SANBR: variants seen among roughly 807,000 people sequenced by gnomAD.
The protein encoded by SANBR is SANT and BTB domain regulator of class switch recombination.
A neutral mutation model predicts 101.8 loss-of-function variants in SANBR; 77 were observed. The observed-to-expected ratio is 0.76, with a 90% CI of 0.63 to 0.91. The LOEUF (loss-of-function observed/expected upper bound fraction) is 0.91, where lower values mean the gene tolerates loss of function less well. Ranked by LOEUF, SANBR falls within the 40% of genes least tolerant of loss-of-function variation. The pLI is 0.00. For synonymous variants in SANBR, 279 were observed against 274.7 expected, an observed-to-expected ratio of 1.02 and a Z score of -0.15; for missense variants, 875 against 853.0, an observed-to-expected ratio of 1.03 and a Z score of -0.32.
chr2:61,085,239 T>G (rs1227202697), intron 8 of SANBR, among the ~76,000 whole-genome samples: 1 of 152,166 alleles, frequency 6.6e-6, no homozygotes. Context: ...CAATAAATCT[T>G]TGCCTCCCTA....
intron 11 of SANBR, among the ~76,000 whole-genome samples, chr2:61,095,289 CTATT>C (rs1391337577): frequency 3.3e-5 from 5 of 152,130 alleles, no homozygotes; most frequent in Non-Finnish European, 2.9e-5. Context: ...ATGATATTGA[CTATT>C]TATTATAGAG....
intron 20 of SANBR, among the ~76,000 whole-genome samples, chr2:61,131,332 AATT>A (rs1450370626): frequency 2.0e-5 from 3 of 152,206 alleles, no homozygotes; most frequent in African/African-American, 7.2e-5. Context: ...TAGGACAGAT[AATT>A]GAGTTCAGCA....
chr2:61,088,378 T>C lies in SANBR; in HGVS notation c.998T>C (p.Leu333Pro). Residue 333 changes from leucine (L) to proline (P), a missense_variant, in exon 10 of 22, where the codon CTT (leucine) becomes CCT (proline). Leu to Pro is a moderately conservative substitution (Grantham distance 98, BLOSUM62 -3). Coordinates refer to ENST00000402291, the MANE Select transcript of SANBR (RefSeq NM_001129993.3). Reference sequence around the variant, plus strand: ...TATAGATGCTGTTTGTGTAAGAAACTTTTAACAAAAGAAACAGAAAGAAGA... The same window carrying C: ...TATAGATGCTGTTTGTGTAAGAAACCTTTAACAAAAGAAACAGAAAGAAGA... ...TLYRCCLCKKLLTKETERRIP... is the reference protein window; with the variant it reads ...TLYRCCLCKKPLTKETERRIP... The C allele has an allele frequency of 6.3e-7, 1 of 1,596,284 alleles. No individual in the cohort carries two copies. Among genetic ancestry groups the C allele is most frequent in the Non-Finnish European group, 8.5e-7 (1 of 1,172,880 alleles).
intron 16 of SANBR, among the ~76,000 whole-genome samples, chr2:61,114,207 C>T (rs1025350713): frequency 5.9e-5 from 9 of 152,122 alleles, no homozygotes; most frequent in Non-Finnish European, 8.8e-5. Context: ...GAGTCTGGGC[C>T]GCTTACAGAC....
chr2:61,094,731 C>T (rs1002185531), intron 11 of SANBR, among the ~76,000 whole-genome samples: 2 of 150,074 alleles, frequency 1.3e-5, no homozygotes, highest in African/African-American at 4.9e-5. Flanking sequence ...GCAACCTCCA[C>T]CTCCCAGGTT....
At chr2:61,095,786 A>C (rs2104911536) in intron 11 of SANBR, among the ~76,000 whole-genome samples, 1 of 152,252 alleles carries the variant, frequency 6.6e-6, no homozygotes, top group Non-Finnish European at 1.5e-5. Context: ...CCGCAAAAAG[A>C]AACAAGTGAT....
intron 21 of SANBR, among the ~76,000 whole-genome samples, chr2:61,136,592 G>C (rs1470242493): frequency 6.6e-6 from 1 of 151,700 alleles, no homozygotes; most frequent in Non-Finnish European, 1.5e-5. Context: ...TGGTGCCACT[G>C]CACTCCAGCC....
chr2:61,081,591 G>T lies in SANBR; in HGVS notation c.729+81G>T. ...CCTTCAAGTATCTAGAAAATTCTGAGACTTTATTAAAATTATTGTTAATTG... is the reference window on the plus strand; with the variant it reads ...CCTTCAAGTATCTAGAAAATTCTGATACTTTATTAAAATTATTGTTAATTG... On this transcript the variant is annotated intron_variant, in intron 7 of 21. Transcript: ENST00000402291. The T allele has an allele frequency of 1.1e-5, 14 of 1,332,856 alleles. No homozygotes were observed. In the South Asian group the frequency reaches 2.0e-4, roughly 19 times the overall value. 82.6% of individuals were successfully genotyped at this position (1,332,856 alleles called of 1,614,324 possible).
intron 7 of SANBR, among the ~76,000 whole-genome samples, chr2:61,082,213 G>C (rs1160264040): frequency 6.6e-6 from 1 of 152,006 alleles, no homozygotes; most frequent in Non-Finnish European, 1.5e-5. Flanking sequence ...TAGCCCAGCT[G>C]GTATCAGGGA....
intron 10 of SANBR, chr2:61,089,089 C>T: frequency 2.0e-6 from 2 of 981,714 alleles, no homozygotes; most frequent in Non-Finnish European, 2.4e-6. Context: ...TTTTAGTTAT[C>T]TGTACAAATG....
At chr2:61,080,535 A>T (rs186698283) in intron 6 of SANBR, among the ~76,000 whole-genome samples, 47 of 152,286 alleles carry the variant, frequency 3.1e-4, no homozygotes, top group African/African-American at 1.1e-3. Flanking sequence ...ATCCTGGCCA[A>T]CATGGTGAAA....
At chr2:61,126,328 C>T (rs1173639635), downstream of SANBR, among the ~76,000 whole-genome samples, 1 of 152,196 alleles carries the variant, frequency 6.6e-6, no homozygotes. Flanking sequence ...ACTATCACCA[C>T]CCCCAGTTAT....
At position 61,071,636 on chromosome 2, in the gene SANBR, AGTGGAAGCTCG is replaced by A. The variant is rs753483471; in HGVS notation, c.182_192del (p.Ser61ThrfsTer3). ...AAAAAGGTTTGATGAATTAAAGAGC[AGTGGAAGCTCG>A]CCTGTTGACAACCAGTATAATTCCC... On this transcript the variant is annotated frameshift_variant, in exon 4 of 22. Coordinates refer to ENST00000402291, the MANE Select transcript of SANBR (RefSeq NM_001129993.3). LOFTEE classifies it high-confidence loss of function. 1 of 1,575,282 alleles carries A rather than the reference AGTGGAAGCTCG, an allele frequency of 6.3e-7. No individual in the cohort carries two copies. Among genetic ancestry groups the A allele is most frequent in the South Asian group, 1.2e-5 (1 of 83,606 alleles).
intron 12 of SANBR, among the ~76,000 whole-genome samples, chr2:61,101,911 G>T (rs1362970803): frequency 6.6e-6 from 1 of 151,770 alleles, no homozygotes; most frequent in East Asian, 1.9e-4. Flanking sequence ...GGTGGTGGGC[G>T]CCTGTAATCC....
At chr2:61,121,470 G>C in intron 21 of SANBR, 194 bp downstream of exon 21, 1 of 432,656 alleles carries the variant, frequency 2.3e-6, no homozygotes, top group Non-Finnish European at 4.3e-6. Flanking sequence ...ATATAGCTTT[G>C]TGGATTTTTT....
intron 8 of SANBR, among the ~76,000 whole-genome samples, chr2:61,084,619 T>C (rs1682324585): frequency 6.6e-6 from 1 of 152,008 alleles, no homozygotes; most frequent in Non-Finnish European, 1.5e-5. Context: ...TGAAACGAGG[T>C]CAGCAGTGGT....
intron 1 of SANBR, among the ~76,000 whole-genome samples, chr2:61,067,158 A>T (rs776124042): frequency 9.9e-5 from 15 of 152,226 alleles, no homozygotes; most frequent in Non-Finnish European, 1.6e-4. Flanking sequence ...CATTCATTTA[A>T]CTAGAATTAA....
exon 21 of SANBR, chr2:61,134,203 G>T (rs1684776354): frequency 6.2e-7 from 1 of 1,612,184 alleles, no homozygotes; most frequent in African/African-American, 1.3e-5. Context: ...TTTGAGCAGT[G>T]TGCTCTTGAT....
chr2:61,075,697 T>G (rs1681727617), intron 5 of SANBR, among the ~76,000 whole-genome samples: 1 of 152,046 alleles, frequency 6.6e-6, no homozygotes, highest in Non-Finnish European at 1.5e-5. Flanking sequence ...TGCTTTTAAC[T>G]ACATTTATTA....
Sources: gnomAD v4.1 joint callset for allele counts (sites outside exome capture counted in the v4.1 genomes callset) on GRCh38, gnomAD v4.1.1 for gene constraint, MANE v1.5 for transcripts, NCBI Gene and HGNC (gene_info 2026-07-23, HGNC 2026-07-21) for gene names.